Variants in MTAP observed in about 807,000 individuals in gnomAD.
MTAP encodes the protein methylthioadenosine phosphorylase.
A neutral mutation model predicts 33.6 loss-of-function variants in MTAP; 33 were observed. That is an observed-to-expected ratio of 0.98 (90% CI 0.74 to 1.31). The LOEUF (loss-of-function observed/expected upper bound fraction) is 1.31. MTAP is among the 40% of genes most tolerant of loss of function. The probability of loss-of-function intolerance (pLI) is 0.00; values close to 1 mark genes in which losing one functional copy is unlikely to be tolerated. For synonymous variants in MTAP, 148 were observed against 125.7 expected, an observed-to-expected ratio of 1.18 and a Z score of -1.19; for missense variants, 367 against 360.0, an observed-to-expected ratio of 1.02 and a Z score of -0.16.
chr9:21,823,457 T>C (rs958810035), intron 4 of MTAP, among the ~76,000 whole-genome samples: 7 of 152,248 alleles, frequency 4.6e-5, no homozygotes, highest in African/African-American at 1.7e-4. Context: ...CTCTTCTGGC[T>C]TGTAGAGTTT....
In MTAP at chr9:21,894,011, AG is replaced by A. The variant is rs369350489; in HGVS notation, c.148-36996del. On this transcript the variant is annotated intron_variant, in intron 1 of 1. Transcript: ENST00000577563. ...ATACAAAAATACTCAACAAAATGCT[AG>A]CAAACGAAATCCAGCATTGTATCAA... Among the ~76,000 whole-genome samples, 504 of 152,146 alleles carry A rather than the reference AG, an allele frequency of 3.3e-3. 2 individuals are homozygous for A. The highest frequency in any genetic ancestry group is 0.011 in the African/African-American group (464 of 41,508).
exon 2 of MTAP, chr9:21,931,142 A>C: frequency 2.6e-6 from 2 of 757,578 alleles, no homozygotes; most frequent in Admixed American, 1.7e-5. Context: ...TGTCTCCCTT[A>C]GACCTGGCTG....
intron 1 of MTAP, among the ~76,000 whole-genome samples, chr9:21,910,041 A>C (rs1444429815): frequency 6.6e-6 from 1 of 152,202 alleles, no homozygotes; most frequent in African/African-American, 2.4e-5. Context: ...CCCGGGTCAG[A>C]AAAGGGACAA....
At chr9:21,846,515 G>A (rs912252487) in intron 5 of MTAP, among the ~76,000 whole-genome samples, 1 of 151,924 alleles carries the variant, frequency 6.6e-6, no homozygotes, top group African/African-American at 2.4e-5. Context: ...TCCAGGAAAT[G>A]CAAATTAAAA....
intron 1 of MTAP, among the ~76,000 whole-genome samples, chr9:21,919,567 G>T (rs1818752502): frequency 6.6e-6 from 1 of 152,178 alleles, no homozygotes; most frequent in Non-Finnish European, 1.5e-5. Context: ...TTTTGGTTTT[G>T]CCATGTATAA....
rs1467513173 is a variant in MTAP at position 21,864,976 on chromosome 9, A to G, written c.*2962A>G. 2 of 985,462 alleles carry G rather than the reference A, an allele frequency of 2.0e-6. No homozygotes were observed. The highest frequency in any genetic ancestry group is 2.3e-4 in the East Asian group (2 of 8,808). 61.0% of individuals were successfully genotyped at this position (985,462 alleles called of 1,614,324 possible). On this transcript the variant is annotated 3_prime_UTR_variant, in exon 8 of 8. Coordinates refer to ENST00000644715, the MANE Select transcript of MTAP (RefSeq NM_002451.4). Reference sequence around the variant, plus strand: ...CTCAACAAGCATTTAGCCAGCACTTATCCAGTGAAACAATTTGATAAGGTT... The same window carrying G: ...CTCAACAAGCATTTAGCCAGCACTTGTCCAGTGAAACAATTTGATAAGGTT...
chr9:21,809,790 A>C (rs1193982276), intron 1 of MTAP, among the ~76,000 whole-genome samples: 1 of 152,168 alleles, frequency 6.6e-6, no homozygotes, highest in Non-Finnish European at 1.5e-5. Flanking sequence ...TTGGTATTGA[A>C]AGCTAGAGAA....
chr9:21,899,629 G>T (rs1818356265), intron 1 of MTAP, among the ~76,000 whole-genome samples: 1 of 151,294 alleles, frequency 6.6e-6, no homozygotes, highest in South Asian at 2.1e-4. Flanking sequence ...TGCAAGCAGG[G>T]TACATGCCAG....
rs79273654 is a variant in MTAP at position 21,904,746 on chromosome 9, T to A, written c.148-26262T>A. Reference sequence around the variant, plus strand: ...TTTTAACACCAAATTTTTCAGCATATAATTGTCTCGATCTACTTAGAACAT... The same window carrying A: ...TTTTAACACCAAATTTTTCAGCATAAAATTGTCTCGATCTACTTAGAACAT... On this transcript the variant is annotated intron_variant, in intron 1 of 1. Transcript: ENST00000577563. Among the ~76,000 whole-genome samples, 553 of 152,322 alleles carry A rather than the reference T, an allele frequency of 3.6e-3. 10 individuals carry two copies. The East Asian group carries it at 0.048, about 13-fold the overall frequency.
At chr9:21,888,658 A>T in intron 1 of MTAP, among the ~76,000 whole-genome samples, 1 of 151,992 alleles carries the variant, frequency 6.6e-6, no homozygotes, top group African/African-American at 2.4e-5. Context: ...TTTGGCATCC[A>T]TTTGCATGGA....
downstream of MTAP, among the ~76,000 whole-genome samples, chr9:21,871,775 T>C (rs1280563555): frequency 6.6e-6 from 1 of 152,154 alleles, no homozygotes; most frequent in Admixed American, 6.6e-5. Flanking sequence ...CTGCAGCTCA[T>C]ATTACTCATA....
chr9:21,837,886 C>T, intron 4 of MTAP, 22 bp from the exon 5 acceptor site: 2 of 1,597,366 alleles, frequency 1.3e-6, no homozygotes, highest in Middle Eastern at 1.7e-4. Context: ...CAAACAAAAA[C>T]CTTTTTTGCT....
At chr9:21,808,401 A>G (rs1257720063) in intron 1 of MTAP, among the ~76,000 whole-genome samples, 1 of 147,552 alleles carries the variant, frequency 6.8e-6, no homozygotes, top group Non-Finnish European at 1.5e-5. Flanking sequence ...CCTGGGCAGC[A>G]TGGTGAAACC....
chr9:21,917,376 G>T (rs531982540), intron 1 of MTAP, among the ~76,000 whole-genome samples: 1 of 152,326 alleles, frequency 6.6e-6, no homozygotes, highest in East Asian at 1.9e-4. Context: ...GAGCAGAGAC[G>T]AAAGCAAGGC....
chr9:21,805,619 T>C (rs1039025101), intron 1 of MTAP, among the ~76,000 whole-genome samples: 2 of 152,170 alleles, frequency 1.3e-5, no homozygotes, highest in South Asian at 2.1e-4. Flanking sequence ...TTGGGCGTGA[T>C]TGGGGTCATA....
In MTAP at chr9:21,838,018, G is replaced by A; in HGVS notation, c.450+8G>A. 1.2e-6 allele frequency: 2 copies of A among 1,610,840 alleles called. No homozygotes were observed. Among genetic ancestry groups the A allele is most frequent in the Non-Finnish European group, 1.7e-6 (2 of 1,177,024 alleles). On this transcript the variant is annotated splice_region_variant and intron_variant, in intron 5 of 7. Coordinates refer to ENST00000644715, the MANE Select transcript of MTAP (RefSeq NM_002451.4). ...TGCCCCAAAACGAGAGAGGTGTGTA[G>A]TCTTTCTGGAAGGTGTACCAGAATA...
At chr9:21,912,009 G>A (rs1386857945) in intron 1 of MTAP, among the ~76,000 whole-genome samples, 8 of 152,090 alleles carry the variant, frequency 5.3e-5, no homozygotes, top group Admixed American at 2.0e-4. Context: ...ACACCTCTAC[G>A]CAAATAAACT....
Position 21,809,733 on chromosome 9 carries a change from A to G in MTAP, c.34-5700A>G, listed in dbSNP as rs113404953. On this transcript the variant is annotated intron_variant, in intron 1 of 7. Coordinates refer to ENST00000644715, the MANE Select transcript of MTAP (RefSeq NM_002451.4). ...TAGAACCACCTGCGGAGCTTTAAAA[A>G]CAAACTACGCCTTGCCCAACTAATC... 3.9e-4 allele frequency among the ~76,000 whole-genome samples: 60 copies of G among 152,326 alleles called. 1 individual carries two copies. The highest frequency in any genetic ancestry group is 1.4e-3 in the African/African-American group (58 of 41,582).
chr9:21,904,697 T>C (rs773505381), intron 1 of MTAP, among the ~76,000 whole-genome samples: 6 of 152,172 alleles, frequency 3.9e-5, no homozygotes, highest in Non-Finnish European at 7.4e-5. Flanking sequence ...ATTGTTTTAG[T>C]TGTTGTTGCT....
Sources: gnomAD v4.1 joint callset for allele counts (sites outside exome capture counted in the v4.1 genomes callset) on GRCh38, gnomAD v4.1.1 for gene constraint, MANE v1.5 for transcripts, NCBI Gene and HGNC (gene_info 2026-07-23, HGNC 2026-07-21) for gene names.